Variants in TNNI3K observed in about 807,000 individuals in gnomAD.
TNNI3K encodes TNNI3 interacting kinase.
In TNNI3K, 140 loss-of-function variants were observed where a neutral mutation model predicts 114.5. The observed-to-expected ratio is 1.22, with a 90% CI of 1.07 to 1.41. The LOEUF (loss-of-function observed/expected upper bound fraction) is 1.41. Ranked by LOEUF, TNNI3K falls within the 40% of genes most tolerant of loss-of-function variation. The probability of loss-of-function intolerance (pLI) is 0.00; values close to 1 mark genes in which losing one functional copy is unlikely to be tolerated. For missense variants in TNNI3K, 1,125 were observed against 1,007.6 expected, an observed-to-expected ratio of 1.12 and a Z score of -1.58; for synonymous variants, 347 against 347.5, an observed-to-expected ratio of 1.00 and a Z score of 0.02.
chr1:74,526,188 A>T (rs1218173072), intron 23 of TNNI3K, among the ~76,000 whole-genome samples: 1 of 152,224 alleles, frequency 6.6e-6, no homozygotes, highest in East Asian at 1.9e-4. Context: ...TGTCATAAAG[A>T]ACAAAGGAAC....
chr1:74,449,704 ACTAT>A (rs1666899185), intron 20 of TNNI3K, among the ~76,000 whole-genome samples: 1 of 151,624 alleles, frequency 6.6e-6, no homozygotes, highest in Non-Finnish European at 1.5e-5. Context: ...AGAAGAGCTA[ACTAT>A]CCTAAATATA....
chr1:74,510,105 A>G (rs534004022), intron 23 of TNNI3K, among the ~76,000 whole-genome samples: 1 of 152,208 alleles, frequency 6.6e-6, no homozygotes, highest in East Asian at 1.9e-4. Flanking sequence ...TAAAAGGTAG[A>G]CAGTTCTGAG....
At chr1:74,524,915 C>G (rs1274783952) in intron 23 of TNNI3K, among the ~76,000 whole-genome samples, 2 of 152,110 alleles carry the variant, frequency 1.3e-5, no homozygotes, top group African/African-American at 2.4e-5. Context: ...AAAAGGATTG[C>G]TCTGGCTGAG....
chr1:74,394,073 G>A (rs904477372), intron 17 of TNNI3K, among the ~76,000 whole-genome samples: 12 of 152,312 alleles, frequency 7.9e-5, no homozygotes, highest in South Asian at 4.1e-4. Context: ...AGGGTAAACC[G>A]TATGAAACTG....
At chr1:74,312,912 C>T (rs909915942) in intron 5 of TNNI3K, among the ~76,000 whole-genome samples, 1 of 152,138 alleles carries the variant, frequency 6.6e-6, no homozygotes, top group African/African-American at 2.4e-5. Context: ...ATTTTTAAAT[C>T]TTTGCCTTCC....
intron 5 of TNNI3K, among the ~76,000 whole-genome samples, chr1:74,313,973 G>A (rs74093683): frequency 6.6e-6 from 1 of 150,564 alleles, no homozygotes; most frequent in Non-Finnish European, 1.5e-5. Context: ...AGTCTTAACC[G>A]ATATTCTGTA....
At chr1:74,252,103 C>A (rs535644414) in intron 4 of TNNI3K, among the ~76,000 whole-genome samples, 2 of 152,254 alleles carry the variant, frequency 1.3e-5, no homozygotes, top group South Asian at 4.2e-4. Flanking sequence ...CTGAACCTCA[C>A]CGTCTGGGAG....
intron 23 of TNNI3K, among the ~76,000 whole-genome samples, chr1:74,528,808 G>T (rs977825905): frequency 6.6e-6 from 1 of 152,180 alleles, no homozygotes; most frequent in African/African-American, 2.4e-5. Flanking sequence ...AACACACCTG[G>T]CACCTTGATC....
intron 17 of TNNI3K, among the ~76,000 whole-genome samples, chr1:74,395,669 G>A (rs549011346): frequency 5.3e-5 from 8 of 152,290 alleles, no homozygotes; most frequent in African/African-American, 1.9e-4. Context: ...CCTCCCACAA[G>A]GGAAACAGCT....
intron 17 of TNNI3K, among the ~76,000 whole-genome samples, chr1:74,395,829 A>G (rs1303602404): frequency 6.6e-6 from 1 of 151,804 alleles, no homozygotes; most frequent in African/African-American, 2.4e-5. Context: ...AACTGAAGAG[A>G]CTCCCTCTGA....
At chr1:74,480,913 A>G in intron 21 of TNNI3K, 1 of 717,418 alleles carries the variant, frequency 1.4e-6, no homozygotes. Flanking sequence ...TTGTGCTCTC[A>G]ATAGAGGAGA....
At chr1:74,399,441 T>G (rs774654890) in intron 17 of TNNI3K, among the ~76,000 whole-genome samples, 6 of 152,148 alleles carry the variant, frequency 3.9e-5, no homozygotes, top group Non-Finnish European at 7.3e-5. Flanking sequence ...CTTGAGTTCA[T>G]GGTTCACCAC....
At chr1:74,543,169 G>C (rs1318747022) in intron 24 of TNNI3K, among the ~76,000 whole-genome samples, 1 of 132,922 alleles carries the variant, frequency 7.5e-6, no homozygotes, top group African/African-American at 2.8e-5. Context: ...CTGCTTCTCG[G>C]GTTCAAGTGA....
intron 4 of TNNI3K, among the ~76,000 whole-genome samples, chr1:74,254,828 T>C (rs534851911): frequency 7.9e-5 from 12 of 152,286 alleles, no homozygotes; most frequent in African/African-American, 2.9e-4. Context: ...ATAGACAGGG[T>C]AGGATGTTCC....
chr1:74,480,288 C>T, intron 21 of TNNI3K: 1 of 717,654 alleles, frequency 1.4e-6, no homozygotes, highest in Non-Finnish European at 2.6e-6. Flanking sequence ...CTCTGTGCAG[C>T]TGCCACAGCT....
At chr1:74,444,947 T>C (rs542330589) in intron 20 of TNNI3K, among the ~76,000 whole-genome samples, 2 of 152,306 alleles carry the variant, frequency 1.3e-5, no homozygotes, top group East Asian at 3.9e-4. Context: ...GGAACCCTAT[T>C]TAATAAATTG....
intron 4 of TNNI3K, 53 bp downstream of exon 4, chr1:74,250,822 A>C: frequency 9.0e-7 from 1 of 1,108,852 alleles, no homozygotes; most frequent in Non-Finnish European, 1.2e-6. Context: ...GATAGTGTGT[A>C]TCTTTAGGCT....
intron 20 of TNNI3K, among the ~76,000 whole-genome samples, chr1:74,449,944 G>A (rs2100694703): frequency 1.2e-5 from 1 of 82,860 alleles, no homozygotes; most frequent in East Asian, 3.4e-4. Context: ...CAAATCAACA[G>A]AATATACATT....
At chr1:74,500,672 C>T (rs1669578533) in intron 23 of TNNI3K, among the ~76,000 whole-genome samples, 1 of 123,144 alleles carries the variant, frequency 8.1e-6, no homozygotes, top group Non-Finnish European at 1.7e-5. Context: ...ATTTAAGCCT[C>T]ACTCTGTTGG....
Sources: gnomAD v4.1 joint callset for allele counts (sites outside exome capture counted in the v4.1 genomes callset) on GRCh38, gnomAD v4.1.1 for gene constraint, MANE v1.5 for transcripts, NCBI Gene and HGNC (gene_info 2026-07-23, HGNC 2026-07-21) for gene names.